Variants in LIN7A observed in about 807,000 individuals in gnomAD.
The protein encoded by LIN7A is protein lin-7 homolog A.
In LIN7A, 25 loss-of-function variants were observed where a neutral mutation model predicts 29.8. That is an observed-to-expected ratio of 0.84 (90% CI 0.61 to 1.17). LIN7A has a LOEUF of 1.17. LIN7A is among the 50% of genes most tolerant of loss of function. LIN7A has a pLI of 0.00. For missense variants in LIN7A, 239 were observed against 287.0 expected (o/e 0.83, Z 1.21); for synonymous variants, 118 against 107.5 (o/e 1.10, Z -0.60).
At chr12:80,832,653 G>A (rs12297928) in intron 4 of LIN7A, 171,644 of 449,998 alleles carry the variant, frequency 0.38, 33,623 homozygotes, top group Non-Finnish European at 0.42. Context: ...TCCGTGACAT[G>A]GCTCCAGGCC....
At chr12:80,828,895 G>C (rs574675407) in intron 4 of LIN7A, among the ~76,000 whole-genome samples, 1 of 152,310 alleles carries the variant, frequency 6.6e-6, no homozygotes, top group African/African-American at 2.4e-5. Flanking sequence ...CGTGGAGAGA[G>C]AGAGGGGCTG....
chr12:80,848,491 A>G (rs1038912901), intron 2 of LIN7A, among the ~76,000 whole-genome samples, 169 bp from the exon 3 acceptor site: 2 of 152,198 alleles, frequency 1.3e-5, no homozygotes, highest in African/African-American at 2.4e-5. Flanking sequence ...AACAGCAGAT[A>G]TTATTACTCA....
At chr12:80,930,287 G>GCC (rs1401019518) in intron 1 of LIN7A, among the ~76,000 whole-genome samples, 77 of 151,908 alleles carry the variant, frequency 5.1e-4, no homozygotes, top group African/African-American at 1.6e-3. Context: ...TGGTTTTCAG[G>GCC]CATATTTATT....
intron 1 of LIN7A, among the ~76,000 whole-genome samples, chr12:80,917,856 C>T (rs1391158268): frequency 1.1e-4 from 16 of 152,112 alleles, no homozygotes; most frequent in Non-Finnish European, 5.9e-5. Flanking sequence ...TACACTGATT[C>T]ACCTCATATT....
At chr12:80,898,113 T>A (rs944490016) in intron 1 of LIN7A, among the ~76,000 whole-genome samples, 1 of 152,232 alleles carries the variant, frequency 6.6e-6, no homozygotes, top group African/African-American at 2.4e-5. Context: ...AGGGTTTATA[T>A]CTAAGTATTT....
chr12:80,891,380 ACTT>A (rs1456131103), intron 1 of LIN7A, among the ~76,000 whole-genome samples: 5 of 152,142 alleles, frequency 3.3e-5, no homozygotes, highest in African/African-American at 1.2e-4. Flanking sequence ...TTAACGGCCG[ACTT>A]CTTCTCGCTC....
At chr12:80,899,436 A>C (rs991396865) in intron 1 of LIN7A, among the ~76,000 whole-genome samples, 1 of 152,042 alleles carries the variant, frequency 6.6e-6, no homozygotes, top group African/African-American at 2.4e-5. Context: ...GTTGGCTTGA[A>C]GTTTTCTTTT....
At chr12:80,901,775 T>C (rs1290837504) in intron 1 of LIN7A, among the ~76,000 whole-genome samples, 1 of 152,152 alleles carries the variant, frequency 6.6e-6, no homozygotes, top group Non-Finnish European at 1.5e-5. Flanking sequence ...GATATATAAT[T>C]CTGCTGTAAA....
intron 1 of LIN7A, among the ~76,000 whole-genome samples, chr12:80,899,961 G>T (rs1205431091): frequency 4.2e-4 from 63 of 151,462 alleles, no homozygotes; most frequent in African/African-American, 1.5e-3. Flanking sequence ...TAGAGACGGG[G>T]TTTCACCGTG....
At chr12:80,827,984 C>T (rs1872161152) in intron 4 of LIN7A, among the ~76,000 whole-genome samples, 1 of 152,018 alleles carries the variant, frequency 6.6e-6, no homozygotes, top group Admixed American at 6.6e-5. Context: ...AGCTTCTTCA[C>T]ATAAAGTTCT....
At chr12:80,816,610 T>G (rs2121514973) in intron 4 of LIN7A, among the ~76,000 whole-genome samples, 1 of 152,268 alleles carries the variant, frequency 6.6e-6, no homozygotes, top group Admixed American at 6.5e-5. Context: ...AAATATATTT[T>G]CATTTAGGAA....
At chr12:80,933,208 T>C (rs1878010824) in intron 1 of LIN7A, among the ~76,000 whole-genome samples, 1 of 152,300 alleles carries the variant, frequency 6.6e-6, no homozygotes, top group South Asian at 2.1e-4. Context: ...AGCCTTGTAA[T>C]ACAAAGAAGC....
At chr12:80,865,220 C>G (rs949184898) in intron 2 of LIN7A, among the ~76,000 whole-genome samples, 2 of 152,204 alleles carry the variant, frequency 1.3e-5, no homozygotes, top group Non-Finnish European at 2.9e-5. Context: ...AGTCATATTT[C>G]TCCTCTGTTA....
chr12:80,937,864 G>C lies in LIN7A; in HGVS notation c.-142C>G. Reference sequence around the variant, plus strand: ...GCTTGGGTGGGTTGGTAGCCAGATGGAGACGCAACTGTTCCGCGGCGGCAG... The same window carrying C: ...GCTTGGGTGGGTTGGTAGCCAGATGCAGACGCAACTGTTCCGCGGCGGCAG... On this transcript the variant is annotated 5_prime_UTR_variant, in exon 1 of 6. Transcript: ENST00000552864. 1 of 562,976 alleles carries C rather than the reference G, an allele frequency of 1.8e-6. No individual in the cohort carries two copies. The highest frequency in any genetic ancestry group is 3.4e-5 in the East Asian group (1 of 29,352). The allele number at this position is 562,976 out of a possible 1,614,324, so 34.9% of individuals were successfully genotyped here. A position where few individuals can be genotyped will look rare whatever the true frequency, so the allele number is the denominator to read the frequency against.
At chr12:80,866,830 G>GAAT (rs1038283464) in intron 2 of LIN7A, among the ~76,000 whole-genome samples, 1 of 152,152 alleles carries the variant, frequency 6.6e-6, no homozygotes, top group Non-Finnish European at 1.5e-5. Flanking sequence ...GGAATTCTTA[G>GAAT]AATGCCAGCT....
At chr12:80,816,872 G>A (rs1416178574) in intron 4 of LIN7A, among the ~76,000 whole-genome samples, 6 of 152,172 alleles carry the variant, frequency 3.9e-5, no homozygotes, top group Non-Finnish European at 5.9e-5. Context: ...AGGTCCAAGC[G>A]ACTCTTGTGC....
chr12:80,830,993 C>T (rs1418776611), intron 4 of LIN7A, among the ~76,000 whole-genome samples: 1 of 152,230 alleles, frequency 6.6e-6, no homozygotes, highest in Admixed American at 6.5e-5. Context: ...CACTTGCCAT[C>T]TCTAACACTA....
chr12:80,877,857 T>A (rs1235691252), intron 2 of LIN7A, among the ~76,000 whole-genome samples: 2 of 150,626 alleles, frequency 1.3e-5, no homozygotes, highest in Non-Finnish European at 1.5e-5. Flanking sequence ...AAATGACTTG[T>A]GCACTGGGAA....
intron 4 of LIN7A, among the ~76,000 whole-genome samples, chr12:80,816,915 C>A (rs1424302783): frequency 6.6e-6 from 1 of 152,180 alleles, no homozygotes; most frequent in Non-Finnish European, 1.5e-5. Flanking sequence ...ACTATAGGTG[C>A]CTGCCACCAT....
Sources: allele counts gnomAD v4.1 joint callset (sites outside exome capture counted in the v4.1 genomes callset), GRCh38; gene constraint gnomAD v4.1.1; transcripts MANE v1.5; gene names NCBI Gene and HGNC (gene_info 2026-07-23, HGNC 2026-07-21).